Variants in DNASE1L3 observed in about 807,000 individuals in gnomAD.
DNASE1L3 encodes the protein deoxyribonuclease 1L3.
A neutral mutation model predicts 30.9 loss-of-function variants in DNASE1L3; 27 were observed. That is an observed-to-expected ratio of 0.87 (90% CI 0.64 to 1.20). The LOEUF is 1.20. Ranked by LOEUF, DNASE1L3 falls within the 50% of genes most tolerant of loss-of-function variation. The pLI is 0.00. For missense variants in DNASE1L3, 364 were observed against 378.2 expected, an observed-to-expected ratio of 0.96 and a Z score of 0.31; for synonymous variants, 135 against 138.0, an observed-to-expected ratio of 0.98 and a Z score of 0.15.
chr3:58,196,449 A>T (rs1030011491), intron 6 of DNASE1L3, among the ~76,000 whole-genome samples: 3 of 146,604 alleles, frequency 2.0e-5, no homozygotes, highest in Non-Finnish European at 3.0e-5. Flanking sequence ...GCTACTCGGG[A>T]GGCTGAGGCA....
chr3:58,210,945 AGCAGTGCTT>A lies in DNASE1L3; in HGVS notation c.-48_-40del. ...TGGCTTCAAGACTCTGTGAGAAGAC[AGCAGTGCTT>A]GGAGTGCTGGATTCTGGCCACTTCC... On this transcript the variant is annotated 5_prime_UTR_variant, in exon 1 of 8. Transcript: ENST00000394549. 1 of 1,610,278 alleles carries A rather than the reference AGCAGTGCTT, an allele frequency of 6.2e-7. No homozygotes were observed. Among genetic ancestry groups the A allele is most frequent in the Non-Finnish European group, 8.5e-7 (1 of 1,178,438 alleles).
chr3:58,203,684 G>C (rs2097402202), intron 4 of DNASE1L3, among the ~76,000 whole-genome samples: 1 of 152,114 alleles, frequency 6.6e-6, no homozygotes, highest in Non-Finnish European at 1.5e-5. Context: ...CCTATAGTCT[G>C]AGCTACTTGC....
In DNASE1L3 at chr3:58,205,580, C is replaced by T. The variant is rs759756597; in HGVS notation, c.231-20G>A. On this transcript the variant is annotated intron_variant, in intron 2 of 7. Coordinates refer to ENST00000394549, the MANE Select transcript of DNASE1L3 (RefSeq NM_004944.4). ...GAATTTCTAGAAAACAAAGATTTAA[C>T]ACTGCATCTTGAAGAGTAAACATTC... 9.4e-6 allele frequency: 15 copies of T among 1,592,360 alleles called. No homozygotes were observed. The highest frequency in any genetic ancestry group is 1.3e-5 in the Non-Finnish European group (15 of 1,160,614).
In DNASE1L3 at chr3:58,192,581, A is replaced by G; in HGVS notation, c.*106T>C. ...AGAATAAATTCAGGTCAAAAAATGA[A>G]AGCAGTTGGATCACTCTTGTTTCCT... On this transcript the variant is annotated 3_prime_UTR_variant, in exon 8 of 8. Transcript: ENST00000394549. This position sits in a 1 kb window ranked among gnomAD's most constrained non-coding sequence, Gnocchi z 4.8. 1 of 1,210,762 alleles carries G rather than the reference A, an allele frequency of 8.3e-7. No homozygotes were observed. The highest frequency in any genetic ancestry group is 1.2e-6 in the Non-Finnish European group (1 of 867,898). 75.0% of individuals were successfully genotyped at this position (1,210,762 alleles called of 1,614,324 possible).
intron 4 of DNASE1L3, among the ~76,000 whole-genome samples, chr3:58,201,359 T>C (rs1467765949): frequency 6.6e-6 from 1 of 152,244 alleles, no homozygotes; most frequent in East Asian, 1.9e-4. Context: ...GGTAGACTGT[T>C]GTAGAAAGTA....
At chr3:58,210,637 AT>A (rs1439237260) in intron 1 of DNASE1L3, 128 bp downstream of exon 1, 1 of 1,408,870 alleles carries the variant, frequency 7.1e-7, no homozygotes, top group Admixed American at 1.9e-5. Flanking sequence ...TGAAGTGGTT[AT>A]TGTTCCAAGC....
intron 7 of DNASE1L3, 122 bp downstream of exon 7, chr3:58,193,221 C>G: frequency 1.4e-6 from 2 of 1,424,268 alleles, no homozygotes; most frequent in Non-Finnish European, 1.9e-6. Context: ...GGACCATAGG[C>G]ATGCATCACC....
At chr3:58,193,070 C>A in intron 7 of DNASE1L3, 2 of 1,417,082 alleles carry the variant, frequency 1.4e-6, no homozygotes, top group East Asian at 5.1e-5. Context: ...GTGGCATCAA[C>A]CCATCTTTTT....
chr3:58,193,492 G>T lies in DNASE1L3; in HGVS notation c.705-53C>A, dbSNP rs1274979947. 9 of 1,489,060 alleles carry T rather than the reference G, an allele frequency of 6.0e-6. No homozygotes were observed. The Admixed American group carries it at 1.0e-4, about 17-fold the overall frequency. 92.2% of individuals were successfully genotyped at this position (1,489,060 alleles called of 1,614,324 possible). A position where few individuals can be genotyped will look rare whatever the true frequency, so the allele number is the denominator to read the frequency against. On this transcript the variant is annotated intron_variant, in intron 6 of 7. Coordinates refer to ENST00000394549, the MANE Select transcript of DNASE1L3 (RefSeq NM_004944.4). ...TGTTAATCCAACCTGTGATTGCTGA[G>T]ATCAAACCAAGGTCTGTGTTTGCTG... is the stretch of plus-strand genomic sequence containing the variant.
intron 5 of DNASE1L3, among the ~76,000 whole-genome samples, chr3:58,199,937 A>G (rs1410243479): frequency 2.0e-5 from 3 of 152,192 alleles, no homozygotes; most frequent in Non-Finnish European, 4.4e-5. Flanking sequence ...TTCATTTTGC[A>G]TTTGAGCAGC....
intron 6 of DNASE1L3, among the ~76,000 whole-genome samples, chr3:58,195,291 A>G (rs1278043734): frequency 2.6e-5 from 4 of 151,870 alleles, no homozygotes; most frequent in Non-Finnish European, 5.9e-5. Flanking sequence ...TTTACTTTTT[A>G]TTTTATTGTA....
At position 58,197,958 on chromosome 3, in the gene DNASE1L3, G is replaced by A. The variant is rs1575496407; in HGVS notation, c.567C>T (p.Asp189=). 1 of 1,612,300 alleles carries A rather than the reference G, an allele frequency of 6.2e-7. No homozygotes were observed. The highest frequency in any genetic ancestry group is 1.3e-5 in the African/African-American group (1 of 74,866). Residue 189 remains aspartate (D), a synonymous_variant, in exon 6 of 8, where the codon GAC becomes GAT. Transcript: ENST00000394549. This position sits in a 1 kb window ranked among gnomAD's most constrained non-coding sequence, Gnocchi z 5.3. ...GGACGTAGCTGCAGCCGGCATTGAA[G>A]TCACCCATGAAAATGAAATTCTAAA... is the stretch of plus-strand genomic sequence containing the variant. ...WKAENFIFMG[D]FNAGCSYVPK...
rs1283830159 is a variant in DNASE1L3 at position 58,200,030 on chromosome 3, G to C, written c.546+967C>G. Among the ~76,000 whole-genome samples the C allele has an allele frequency of 2.0e-5, 3 of 152,258 alleles. No homozygotes were observed. The highest frequency in any genetic ancestry group is 7.2e-5 in the African/African-American group (3 of 41,540). On this transcript the variant is annotated intron_variant, in intron 5 of 7. Coordinates refer to ENST00000394549, the MANE Select transcript of DNASE1L3 (RefSeq NM_004944.4). The surrounding 1 kb of genome is among the most constrained non-coding windows in gnomAD (Gnocchi z 4.2). ...AAATACAGAAGAAGAACCCTTGGGT[G>C]CACTTCCATATTTACCAAGAGCTTT...
At position 58,197,716 on chromosome 3, in the gene DNASE1L3, G is replaced by C. The variant is rs2097398215; in HGVS notation, c.704+105C>G. ...GATCCATCCATCGAGGCCTCCCAAA[G>C]TGCTAGGACTACTGGCGTGAGCCAC... On this transcript the variant is annotated intron_variant, in intron 6 of 7. Coordinates refer to ENST00000394549, the MANE Select transcript of DNASE1L3 (RefSeq NM_004944.4). This position sits in a 1 kb window ranked among gnomAD's most constrained non-coding sequence, Gnocchi z 5.3. 6.6e-7 allele frequency: 1 copy of C among 1,524,890 alleles called. No individual in the cohort carries two copies. The highest frequency in any genetic ancestry group is 1.4e-5 in the African/African-American group (1 of 73,282). 94.5% of individuals were successfully genotyped at this position (1,524,890 alleles called of 1,614,324 possible).
In DNASE1L3 at chr3:58,197,117, C is replaced by A. The variant is rs556216535; in HGVS notation, c.704+704G>T. Among the ~76,000 whole-genome samples the A allele has an allele frequency of 6.6e-6, 1 of 152,170 alleles. No individual in the cohort carries two copies. Among genetic ancestry groups the A allele is most frequent in the Non-Finnish European group, 1.5e-5 (1 of 68,042 alleles). On this transcript the variant is annotated intron_variant, in intron 6 of 7. Transcript: ENST00000394549. This position sits in a 1 kb window ranked among gnomAD's most constrained non-coding sequence, Gnocchi z 5.3. ...GCCCATGAATGTAATGAGCACTTGC[C>A]GTATGCCAGGCATTGTGCTAGCAGC...
intron 2 of DNASE1L3, among the ~76,000 whole-genome samples, chr3:58,206,340 G>A (rs938728987): frequency 2.0e-5 from 3 of 152,100 alleles, no homozygotes; most frequent in African/African-American, 7.2e-5. Flanking sequence ...AAGCAGAAGG[G>A]GTATTTAGGG....
At chr3:58,195,877 T>C (rs868135281) in intron 6 of DNASE1L3, among the ~76,000 whole-genome samples, 18 of 152,320 alleles carry the variant, frequency 1.2e-4, no homozygotes, top group African/African-American at 3.4e-4. Context: ...ATCTTTAAAA[T>C]GTCACATGTA....
chr3:58,210,873 G>A lies in DNASE1L3; in HGVS notation c.34C>T (p.Leu12Phe). The A allele has an allele frequency of 1.2e-6, 2 of 1,614,122 alleles. No homozygotes were observed. The highest frequency in any genetic ancestry group is 1.1e-5 in the South Asian group (1 of 91,074). Residue 12 changes from leucine to phenylalanine, a missense_variant, in exon 1 of 8, where the codon CTC (leucine) becomes TTC (phenylalanine). Leu to Phe is a conservative substitution (Grantham distance 22). Coordinates refer to ENST00000394549, the MANE Select transcript of DNASE1L3 (RefSeq NM_004944.4). ...GCCAGGGCGCTGTGGATGGAGAGGA[G>A]GAGAAGCAGCAGTGGGGCCAGCTCC... is the stretch of plus-strand genomic sequence containing the variant. The part of the protein sequence containing the change: ...SRELAPLLLL[L>F]LSIHSALAMR...
rs183771832 is a variant in DNASE1L3, at chr3:58,193,250, T to G, written c.801+93A>C. 1.1e-5 allele frequency: 17 copies of G among 1,528,546 alleles called. No homozygotes were observed. The African/African-American group carries it at 2.1e-4, about 18-fold the overall frequency. The allele number at this position is 1,528,546 out of a possible 1,614,324, so 94.7% of individuals were successfully genotyped here. On this transcript the variant is annotated intron_variant, in intron 7 of 7. Transcript: ENST00000394549. ...CATCACCATGCCCAGCTAATTTTTT[T>G]GAATTTTTCATAGAGATGGAGTCTC... is the stretch of plus-strand genomic sequence containing the variant.
Sources: gnomAD v4.1 joint callset for allele counts (sites outside exome capture counted in the v4.1 genomes callset) on GRCh38, gnomAD v4.1.1 for gene constraint, Gnocchi (gnomAD v3.1) non-coding constraint, MANE v1.5 for transcripts, NCBI Gene and HGNC (gene_info 2026-07-23, HGNC 2026-07-21) for gene names.